Variants in DACH1 observed in about 807,000 individuals in gnomAD.
DACH1 encodes the protein dachshund homolog 1.
Under a neutral mutation model 54.2 loss-of-function variants are expected in DACH1, and 12 were observed. The observed-to-expected ratio is 0.22, with a 90% confidence interval of 0.14 to 0.36. The LOEUF (loss-of-function observed/expected upper bound fraction) is 0.36. Ranked by LOEUF, DACH1 falls within the 10% of genes least tolerant of loss-of-function variation. The pLI, the probability that DACH1 is intolerant of heterozygous loss-of-function variation, is 1.00. For synonymous variants in DACH1, 386 were observed against 366.2 expected (o/e 1.05, Z -0.62); for missense variants, 805 against 929.8 (o/e 0.87, Z 1.75).
chr13:71,474,212 T>C (rs1877324235), intron 10 of DACH1, among the ~76,000 whole-genome samples: 1 of 152,142 alleles, frequency 6.6e-6, no homozygotes, highest in Non-Finnish European at 1.5e-5. Flanking sequence ...TGTTACTTCT[T>C]GCACATATGA....
chr13:71,830,379 T>A (rs1452481512), intron 1 of DACH1, among the ~76,000 whole-genome samples: 1 of 151,856 alleles, frequency 6.6e-6, no homozygotes, highest in Non-Finnish European at 1.5e-5. Context: ...GTTGTAGAAG[T>A]CACAAATGTT....
intron 1 of DACH1, among the ~76,000 whole-genome samples, chr13:71,796,302 G>A (rs1234787878): frequency 6.6e-6 from 1 of 151,884 alleles, no homozygotes; most frequent in Admixed American, 6.6e-5. Context: ...TCTTGCAGTT[G>A]GATAAAAATA....
chr13:71,660,662 TA>T (rs1456545732), intron 2 of DACH1, among the ~76,000 whole-genome samples: 1 of 152,004 alleles, frequency 6.6e-6, no homozygotes, highest in Non-Finnish European at 1.5e-5. Flanking sequence ...GATGATATAG[TA>T]TATGGATTCT....
chr13:71,851,915 G>A (rs12584677), intron 1 of DACH1, among the ~76,000 whole-genome samples: 12,612 of 151,996 alleles, frequency 0.083, 1,372 homozygotes, highest in East Asian at 0.56. Flanking sequence ...GTTGATATGT[G>A]GTTTAGTCAT....
intron 1 of DACH1, chr13:71,704,600 C>A (rs1009479040): frequency 7.5e-5 from 34 of 455,044 alleles, no homozygotes; most frequent in Non-Finnish European, 1.3e-4. Flanking sequence ...TTTATGAGAA[C>A]CCATGGCAGG....
At chr13:71,841,968 A>G (rs566535369) in intron 1 of DACH1, among the ~76,000 whole-genome samples, 10 of 152,288 alleles carry the variant, frequency 6.6e-5, no homozygotes, top group African/African-American at 1.9e-4. Context: ...CTTGCTGGTT[A>G]GGCATTAGGC....
intron 7 of DACH1, among the ~76,000 whole-genome samples, chr13:71,485,061 TA>T (rs1226204241): frequency 4.1e-3 from 573 of 141,408 alleles, no homozygotes; most frequent in Non-Finnish European, 4.9e-3. Flanking sequence ...GTCTTAAATT[TA>T]AAAAAAAAAA....
intron 10 of DACH1, among the ~76,000 whole-genome samples, chr13:71,470,343 C>G (rs1876963484): frequency 6.8e-6 from 1 of 148,082 alleles, no homozygotes. Context: ...GAGTCTCGCA[C>G]TGTTGCCCGG....
chr13:71,864,624 C>T (rs1305184581), intron 1 of DACH1, among the ~76,000 whole-genome samples: 2 of 152,122 alleles, frequency 1.3e-5, no homozygotes, highest in East Asian at 1.9e-4. Context: ...TTCTTTCTCC[C>T]GGAATCTCAC....
rs559738404 is a variant in DACH1 at position 71,557,158 on chromosome 13, G to A, written c.1436C>T (p.Pro479Leu). The A allele has an allele frequency of 1.4e-5, 23 of 1,597,368 alleles. No individual in the cohort carries two copies. In the East Asian group the frequency reaches 2.3e-4, roughly 16 times the overall value. The stretch of plus-strand genomic sequence containing the variant: ...CATGGACAACCCATTCTGATGGACC[G>A]CTATTATGGCCCAAAAGAAAACAAA... ...ARTESSSDRI[P>L]VHQNGLSMNQ... Residue 479 changes from proline (P) to leucine (L), a missense_variant and splice_region_variant, in exon 6 of 11, where the codon CCG (proline) becomes CTG (leucine). Physicochemically the swap from Pro to Leu is moderately conservative, Grantham distance 98. Coordinates refer to ENST00000613252, the MANE Select transcript of DACH1 (RefSeq NM_080759.6).
intron 3 of DACH1, among the ~76,000 whole-genome samples, chr13:71,609,036 C>A (rs1407399207): frequency 6.6e-6 from 1 of 151,792 alleles, no homozygotes; most frequent in Admixed American, 6.6e-5. Context: ...TTGTTCTAAG[C>A]CATGAAAGGA....
At chr13:71,755,193 T>A (rs1374517399) in intron 1 of DACH1, among the ~76,000 whole-genome samples, 3 of 152,150 alleles carry the variant, frequency 2.0e-5, no homozygotes, top group Non-Finnish European at 4.4e-5. Context: ...CAGACCTCAA[T>A]CAAGTATAGC....
intron 2 of DACH1, among the ~76,000 whole-genome samples, chr13:71,637,008 C>T (rs1015321433): frequency 2.6e-5 from 4 of 151,970 alleles, no homozygotes; most frequent in African/African-American, 7.3e-5. Flanking sequence ...TTTGATATTC[C>T]ACTAAAGTAT....
At chr13:71,541,628 A>G (rs182989335) in intron 6 of DACH1, among the ~76,000 whole-genome samples, 356 of 152,122 alleles carry the variant, frequency 2.3e-3, no homozygotes, top group African/African-American at 7.8e-3. Flanking sequence ...GGCATTTTAC[A>G]TTTTTATTGA....
intron 3 of DACH1, among the ~76,000 whole-genome samples, chr13:71,574,156 T>G (rs557066638): frequency 6.6e-6 from 1 of 152,258 alleles, no homozygotes; most frequent in South Asian, 2.1e-4. Context: ...ATACATTATG[T>G]CTCCATGTCA....
intron 1 of DACH1, among the ~76,000 whole-genome samples, chr13:71,692,312 A>C (rs911861921): frequency 2.6e-5 from 4 of 152,024 alleles, no homozygotes; most frequent in African/African-American, 7.2e-5. Flanking sequence ...ACAGTCCAGC[A>C]CATAATTATT....
intron 2 of DACH1, among the ~76,000 whole-genome samples, chr13:71,646,261 C>A (rs1345944116): frequency 6.7e-6 from 1 of 150,028 alleles, no homozygotes; most frequent in Non-Finnish European, 1.5e-5. Context: ...CACTTGAACC[C>A]GGGAGGCAGA....
intron 6 of DACH1, among the ~76,000 whole-genome samples, chr13:71,528,425 C>CTTTTTTT (rs71198120): frequency 3.6e-5 from 4 of 111,122 alleles, no homozygotes; most frequent in Admixed American, 1.1e-4. Flanking sequence ...AACAGATTTT[C>CTTTTTTT]TTTTTTTTTT....
At chr13:71,748,932 CTTTCTTTCTT>C (rs1884787093) in intron 1 of DACH1, among the ~76,000 whole-genome samples, 2 of 43,166 alleles carry the variant, frequency 4.6e-5, no homozygotes, top group South Asian at 9.3e-4. Flanking sequence ...TTCTTTCTTT[CTTTCTTTCTT>C]TCTTTCTTTC....
Sources: gnomAD v4.1 joint callset for allele counts (sites outside exome capture counted in the v4.1 genomes callset) on GRCh38, gnomAD v4.1.1 for gene constraint, MANE v1.5 for transcripts, NCBI Gene and HGNC (gene_info 2026-07-23, HGNC 2026-07-21) for gene names.